NRP1: variants seen among roughly 807,000 people sequenced by gnomAD.
NRP1 encodes neuropilin-1.
Under a neutral mutation model 106.7 loss-of-function variants are expected in NRP1, and 35 were observed. The ratio of observed to expected loss-of-function variants is 0.33; its 90% CI spans 0.25 to 0.43. The LOEUF (loss-of-function observed/expected upper bound fraction) is 0.43. Among genes scored for constraint, NRP1 ranks in the 20% least tolerant of loss-of-function variants. The pLI is 1.00. For missense variants in NRP1, 1,024 were observed against 1,170.4 expected (o/e 0.87, Z 1.83); for synonymous variants, 437 against 417.9 (o/e 1.05, Z -0.56).
chr10:33,257,663 C>T (rs539731633), intron 4 of NRP1, among the ~76,000 whole-genome samples: 1 of 152,234 alleles, frequency 6.6e-6, no homozygotes, highest in African/African-American at 2.4e-5. Context: ...TGCTGTTTGA[C>T]TTAAACTGGC....
intron 2 of NRP1, among the ~76,000 whole-genome samples, chr10:33,324,227 A>G (rs1422714826): frequency 6.6e-6 from 1 of 152,226 alleles, no homozygotes; most frequent in Admixed American, 6.5e-5. Flanking sequence ...AAAGCAGATA[A>G]TTATCTGCCT....
At chr10:33,312,896 A>G (rs1405853057) in intron 2 of NRP1, among the ~76,000 whole-genome samples, 1 of 152,116 alleles carries the variant, frequency 6.6e-6, no homozygotes, top group African/African-American at 2.4e-5. Context: ...TGTGTTAGTG[A>G]TCAAATCCGA....
Position 33,256,323 on chromosome 10 carries a change from G to T in NRP1, c.807C>A (p.Val269=), listed in dbSNP as rs371928530. The T allele has an allele frequency of 6.2e-7, 1 of 1,614,010 alleles. No homozygotes were observed. Among genetic ancestry groups the T allele is most frequent in the Non-Finnish European group, 8.5e-7 (1 of 1,180,000 alleles). The change falls in exon 5 of 17, where the codon GTC becomes GTA. Residue 269 remains valine, a synonymous_variant. Transcript: ENST00000374867. ...AAATGAATAAACACTGACCTTCTGA[G>T]ACACTGCTCTGCAAGACACTGTAGT... ...SANYSVLQSS[V]SEDFKCMEAL... is the part of the protein sequence containing the mutation.
At chr10:33,246,201 G>T (rs1588834626) in intron 6 of NRP1, among the ~76,000 whole-genome samples, 1 of 143,236 alleles carries the variant, frequency 7.0e-6, no homozygotes, top group African/African-American at 2.6e-5. Flanking sequence ...CATCTCTAAT[G>T]TGTGCACCTG....
chr10:33,182,833 GCACACACACACACA>G, intron 15 of NRP1, 85 bp from the exon 16 acceptor site: 2 of 746,332 alleles, frequency 2.7e-6, no homozygotes, highest in Non-Finnish European at 4.7e-6. Context: ...TTAGGTACAT[GCACACACACACACA>G]CACACACACA....
chr10:33,241,074 C>A (rs1840975815), intron 6 of NRP1, among the ~76,000 whole-genome samples: 1 of 152,138 alleles, frequency 6.6e-6, no homozygotes, highest in Non-Finnish European at 1.5e-5. Context: ...CCAAGAAAAT[C>A]TTGTGTAATT....
intron 2 of NRP1, among the ~76,000 whole-genome samples, chr10:33,289,835 T>G (rs1252995406): frequency 1.3e-5 from 2 of 152,220 alleles, no homozygotes; most frequent in Non-Finnish European, 1.5e-5. Flanking sequence ...TCATTCTCTT[T>G]TCTTTAGTGC....
intron 11 of NRP1, chr10:33,201,678 T>C (rs1053050980): frequency 6.6e-6 from 1 of 152,224 alleles, no homozygotes; most frequent in Non-Finnish European, 1.5e-5. Flanking sequence ...CAAAAGCTCA[T>C]AGCAATGTGA....
chr10:33,262,031 C>T (rs1428033271), intron 4 of NRP1, among the ~76,000 whole-genome samples: 4 of 152,078 alleles, frequency 2.6e-5, no homozygotes, highest in Non-Finnish European at 4.4e-5. Context: ...CCACAGCACC[C>T]GGTCTACATT....
intron 12 of NRP1, among the ~76,000 whole-genome samples, chr10:33,195,815 G>A (rs1836741192): frequency 6.6e-6 from 1 of 152,194 alleles, no homozygotes; most frequent in Non-Finnish European, 1.5e-5. Flanking sequence ...AAACAGGAAA[G>A]CAAGTCAATT....
At chr10:33,309,164 G>A (rs1846388520) in intron 2 of NRP1, among the ~76,000 whole-genome samples, 1 of 152,078 alleles carries the variant, frequency 6.6e-6, no homozygotes, top group South Asian at 2.1e-4. Flanking sequence ...TTTTCCTCTT[G>A]CCCACACTGA....
At chr10:33,287,435 A>G (rs1018596680) in intron 2 of NRP1, among the ~76,000 whole-genome samples, 8 of 152,342 alleles carry the variant, frequency 5.3e-5, no homozygotes, top group Non-Finnish European at 1.2e-4. Context: ...AGCATGTACG[A>G]CATACATAAT....
intron 2 of NRP1, among the ~76,000 whole-genome samples, chr10:33,286,324 G>GT (rs1332658902): frequency 2.0e-5 from 3 of 152,192 alleles, no homozygotes; most frequent in African/African-American, 7.2e-5. Flanking sequence ...TGGGAAGCCT[G>GT]TGTCACAGAG....
At chr10:33,301,671 T>C (rs1054592275) in intron 2 of NRP1, among the ~76,000 whole-genome samples, 2 of 152,182 alleles carry the variant, frequency 1.3e-5, no homozygotes, top group South Asian at 4.1e-4. Flanking sequence ...AGGAGAGGAA[T>C]TAAAAAATTA....
At chr10:33,203,775 C>T (rs1213715526) in intron 10 of NRP1, among the ~76,000 whole-genome samples, 1 of 76,540 alleles carries the variant, frequency 1.3e-5, no homozygotes, top group Non-Finnish European at 2.8e-5. Flanking sequence ...GCTCTGTCGC[C>T]CAGGCCGGAC....
At chr10:33,231,394 C>G (rs1347094567) in intron 6 of NRP1, among the ~76,000 whole-genome samples, 1 of 152,150 alleles carries the variant, frequency 6.6e-6, no homozygotes, top group Admixed American at 6.5e-5. Context: ...CCAATCATAG[C>G]CTTGCAGAGT....
chr10:33,229,229 A>G (rs535714152), intron 6 of NRP1, among the ~76,000 whole-genome samples: 2 of 152,338 alleles, frequency 1.3e-5, no homozygotes, highest in Middle Eastern at 6.8e-3. Flanking sequence ...TGACAACCCT[A>G]AATCTCACTA....
At chr10:33,184,563 C>A (rs1402552031) in intron 15 of NRP1, among the ~76,000 whole-genome samples, 3 of 152,132 alleles carry the variant, frequency 2.0e-5, no homozygotes, top group African/African-American at 7.2e-5. Flanking sequence ...ATTTTTACAG[C>A]AGTGTAGATA....
At chr10:33,222,206 G>A (rs1839301290) in intron 7 of NRP1, among the ~76,000 whole-genome samples, 1 of 152,096 alleles carries the variant, frequency 6.6e-6, no homozygotes, top group African/African-American at 2.4e-5. Context: ...ACGTGTCATG[G>A]GAACTCTCAC....
Sources: gnomAD v4.1 joint callset for allele counts (sites outside exome capture counted in the v4.1 genomes callset) on GRCh38, gnomAD v4.1.1 for gene constraint, MANE v1.5 for transcripts, NCBI Gene and HGNC (gene_info 2026-07-23, HGNC 2026-07-21) for gene names.